AFF3: variants seen among roughly 807,000 people sequenced by gnomAD.
AFF3 encodes the protein ALF transcription elongation factor 3.
AFF3 carries 32 observed loss-of-function variants against 129.7 expected under a neutral mutation model. That is an observed-to-expected ratio of 0.25 (90% CI 0.19 to 0.33). AFF3 has a LOEUF of 0.33. AFF3 is among the 10% of genes least tolerant of loss of function. The pLI, the probability that AFF3 is intolerant of heterozygous loss-of-function variation, is 1.00. For missense variants in AFF3, 1,373 were observed against 1,592.0 expected (o/e 0.86, Z 2.34); for synonymous variants, 644 against 635.4 (o/e 1.01, Z -0.20).
chr2:100,120,756 G>A (rs1423134794), intron 2 of AFF3, among the ~76,000 whole-genome samples: 21 of 151,994 alleles, frequency 1.4e-4, no homozygotes, highest in Non-Finnish European at 1.2e-4. Context: ...GAACTCTTGG[G>A]CTCAAGCGAT....
intron 4 of AFF3, among the ~76,000 whole-genome samples, chr2:100,083,384 G>A (rs1330900474): frequency 6.6e-6 from 1 of 152,172 alleles, no homozygotes; most frequent in Non-Finnish European, 1.5e-5. Context: ...ACCATGGCCT[G>A]CATTGTGCTT....
chr2:99,774,163 A>G (rs768251197), intron 8 of AFF3, among the ~76,000 whole-genome samples: 6 of 152,252 alleles, frequency 3.9e-5, no homozygotes, highest in Non-Finnish European at 7.3e-5. Context: ...ACACTGCCCA[A>G]AGCAATTTAT....
At chr2:99,985,718 T>C (rs1182345608) in intron 7 of AFF3, among the ~76,000 whole-genome samples, 6 of 152,108 alleles carry the variant, frequency 3.9e-5, no homozygotes, top group Admixed American at 3.9e-4. Flanking sequence ...GTCAGGATAG[T>C]GGCCACCCTT....
At chr2:100,135,839 T>C (rs1228278007) in intron 1 of AFF3, among the ~76,000 whole-genome samples, 1 of 152,094 alleles carries the variant, frequency 6.6e-6, no homozygotes, top group Non-Finnish European at 1.5e-5. Context: ...GAAGATTACT[T>C]TGGAGAGCAG....
At chr2:99,573,352 G>A (rs1409682478) in intron 18 of AFF3, among the ~76,000 whole-genome samples, 1 of 152,130 alleles carries the variant, frequency 6.6e-6, no homozygotes, top group Non-Finnish European at 1.5e-5. Context: ...ATTTCATAAT[G>A]GGAGAAATTC....
chr2:99,716,051 T>C (rs1169848711), intron 11 of AFF3, among the ~76,000 whole-genome samples: 1 of 152,184 alleles, frequency 6.6e-6, no homozygotes, highest in African/African-American at 2.4e-5. Context: ...GGATATGCTC[T>C]TGGGATCTGT....
chr2:100,031,317 A>G (rs137880996), intron 4 of AFF3, among the ~76,000 whole-genome samples: 1 of 152,350 alleles, frequency 6.6e-6, no homozygotes, highest in African/African-American at 2.4e-5. Context: ...GATTACACAT[A>G]TGCAACGGAA....
At chr2:99,727,861 CAGG>C in intron 10 of AFF3, among the ~76,000 whole-genome samples, 1 of 152,264 alleles carries the variant, frequency 6.6e-6, no homozygotes, top group Non-Finnish European at 1.5e-5. Context: ...CACGTCCGGC[CAGG>C]AGGAGAGAAT....
chr2:100,140,147 C>A (rs1256655820), intron 1 of AFF3, among the ~76,000 whole-genome samples: 2 of 152,150 alleles, frequency 1.3e-5, no homozygotes, highest in South Asian at 4.1e-4. Flanking sequence ...ACTCATTGAG[C>A]CCTCATAAAA....
chr2:99,713,156 G>C (rs1678055083), intron 11 of AFF3, among the ~76,000 whole-genome samples: 1 of 152,130 alleles, frequency 6.6e-6, no homozygotes, highest in Admixed American at 6.5e-5. Flanking sequence ...TAAGGAGAGG[G>C]TGGTGACGGC....
intron 8 of AFF3, among the ~76,000 whole-genome samples, chr2:99,778,825 T>C (rs552792524): frequency 1.6e-4 from 25 of 152,186 alleles, no homozygotes; most frequent in Non-Finnish European, 3.1e-4. Context: ...TGTATATTGA[T>C]CTTATATTCT....
At chr2:99,986,250 A>G (rs181757292) in intron 7 of AFF3, among the ~76,000 whole-genome samples, 252 of 142,810 alleles carry the variant, frequency 1.8e-3, no homozygotes, top group Admixed American at 2.7e-3. Flanking sequence ...TAATAATAAT[A>G]ATGTAGGACA....
chr2:99,938,794 T>C (rs1674760348), intron 7 of AFF3, among the ~76,000 whole-genome samples: 2 of 152,240 alleles, frequency 1.3e-5, no homozygotes, highest in Admixed American at 1.3e-4. Context: ...CCCACAATTA[T>C]GTGAACCAAT....
In AFF3 at chr2:99,960,717, G is replaced by T. The variant is rs182629894; in HGVS notation, c.873+45915C>A. 1.4e-3 allele frequency among the ~76,000 whole-genome samples: 209 copies of T among 152,306 alleles called. 2 individuals are homozygous for T. Among genetic ancestry groups the T allele is most frequent in the Non-Finnish European group, 4.6e-4 (31 of 68,026 alleles). On this transcript the variant is annotated intron_variant, in intron 7 of 24. Coordinates refer to ENST00000672756, the MANE Select transcript of AFF3 (RefSeq NM_001386135.1). ...TGCTTACATACTAGCTAGGACAGGG[G>T]TCCTCCAAATTCAGCCTGGGGCTTG...
intron 7 of AFF3, among the ~76,000 whole-genome samples, chr2:99,955,135 A>G (rs1676520944): frequency 1.3e-5 from 2 of 152,178 alleles, no homozygotes; most frequent in African/African-American, 4.8e-5. Context: ...CATACAAAAC[A>G]CTGTAGGGAA....
intron 11 of AFF3, among the ~76,000 whole-genome samples, chr2:99,695,599 C>T (rs912203966): frequency 2.0e-5 from 3 of 152,170 alleles, no homozygotes; most frequent in African/African-American, 7.2e-5. Flanking sequence ...GTCAGGGCTG[C>T]CACACAGGAC....
chr2:99,954,597 G>T (rs1676456051), intron 7 of AFF3, among the ~76,000 whole-genome samples: 1 of 151,928 alleles, frequency 6.6e-6, no homozygotes, highest in South Asian at 2.1e-4. Flanking sequence ...AAAAAATGAT[G>T]AGTTCATGTC....
intron 7 of AFF3, among the ~76,000 whole-genome samples, chr2:99,973,945 C>T (rs532179085): frequency 3.9e-5 from 6 of 152,258 alleles, no homozygotes; most frequent in African/African-American, 1.4e-4. Flanking sequence ...CAAGACACCC[C>T]AAGCAGCAGA....
At chr2:99,663,355 T>G (rs573915310) in intron 12 of AFF3, among the ~76,000 whole-genome samples, 23 of 152,224 alleles carry the variant, frequency 1.5e-4, no homozygotes, top group Non-Finnish European at 2.9e-4. Flanking sequence ...AGAACTGCAA[T>G]TTTGTGCTCA....
Sources: allele counts gnomAD v4.1 joint callset (sites outside exome capture counted in the v4.1 genomes callset), GRCh38; gene constraint gnomAD v4.1.1; transcripts MANE v1.5; gene names NCBI Gene and HGNC (gene_info 2026-07-23, HGNC 2026-07-21).